The following CAMSAP2 variants were observed in gnomAD, a reference collection of about 807,000 sequenced individuals.
The protein encoded by CAMSAP2 is calmodulin regulated spectrin associated protein family member 2.
A neutral mutation model predicts 146.1 loss-of-function variants in CAMSAP2; 26 were observed. That is an observed-to-expected ratio of 0.18 (90% CI 0.13 to 0.25). CAMSAP2 has a LOEUF of 0.25. Ranked by LOEUF, CAMSAP2 falls within the 10% of genes least tolerant of loss-of-function variation. The pLI, the probability that CAMSAP2 is intolerant of heterozygous loss-of-function variation, is 1.00. For synonymous variants in CAMSAP2, 499 were observed against 596.6 expected (o/e 0.84, Z 2.38); for missense variants, 1,381 against 1,759.3 (o/e 0.78, Z 3.85).
chr1:200,836,771 A>G (rs1192110255), intron 6 of CAMSAP2, among the ~76,000 whole-genome samples: 2 of 152,090 alleles, frequency 1.3e-5, no homozygotes, highest in Non-Finnish European at 2.9e-5. Context: ...TTGACTTTTT[A>G]GTAAGAGCCA....
rs371270400 is a variant in CAMSAP2, at chr1:200,764,655, A to G, written c.399+3557A>G. ...CTGATAGTTAAATTGTTAAAGAGAA[A>G]TAAGTATCCTGCATTTAGCCTTTAA... On this transcript the variant is annotated intron_variant, in intron 2 of 16. Coordinates refer to ENST00000358823, the MANE Select transcript of CAMSAP2 (RefSeq NM_203459.4). Among the ~76,000 whole-genome samples the G allele has an allele frequency of 7.9e-5, 12 of 152,374 alleles. No homozygotes were observed. The South Asian group carries it at 2.5e-3, about 32-fold the overall frequency.
chr1:200,769,701 C>A (rs1421110500), intron 2 of CAMSAP2, among the ~76,000 whole-genome samples: 2 of 152,198 alleles, frequency 1.3e-5, no homozygotes, highest in Non-Finnish European at 2.9e-5. Context: ...AATGAAGACA[C>A]GTTTAGGGCA....
Position 200,848,333 on chromosome 1 carries a change from G to C in CAMSAP2, c.1564G>C (p.Gly522Arg). Residue 522 changes from glycine (G) to arginine (R), a missense_variant, in exon 11 of 17, where the codon GGA (glycine) becomes CGA (arginine). Physicochemically the swap from Gly to Arg is moderately radical, Grantham distance 125 (BLOSUM62 -2). This residue lies in a region of CAMSAP2 where 447 missense variants were observed against 462.2 expected (regional missense o/e 0.97). Transcript: ENST00000358823. Reference protein sequence around the residue: ...NENIHYKLPNGALQNRILLDE... With the variant: ...NENIHYKLPNRALQNRILLDE... ...GAATATTCATTACAAGCTTCCAAAT[G>C]GAGCTTTACAAAATAGAATACTTCT... The C allele has an allele frequency of 6.2e-7, 1 of 1,613,772 alleles. No individual in the cohort carries two copies. The highest frequency in any genetic ancestry group is 1.1e-5 in the South Asian group (1 of 91,050).
chr1:200,789,815 C>A (rs1571756952), intron 2 of CAMSAP2, among the ~76,000 whole-genome samples: 1 of 151,972 alleles, frequency 6.6e-6, no homozygotes, highest in Non-Finnish European at 1.5e-5. Flanking sequence ...TTATTTAGTT[C>A]TTTGATTTTG....
chr1:200,847,259 T>A lies in CAMSAP2; in HGVS notation c.1159T>A (p.Tyr387Asn). ...TQSHHHLPSR[Y>N]SRPQAHSSAS... The stretch of plus-strand genomic sequence containing the variant: ...GTCTCATCATCATTTGCCTTCTAGG[T>A]ATTCACGTCCCCAGGCTCATTCTTC... Residue 387 changes from tyrosine to asparagine, a missense_variant, in exon 9 of 17, where the codon TAT becomes AAT. Coordinates refer to ENST00000358823, the MANE Select transcript of CAMSAP2 (RefSeq NM_203459.4). 6.2e-7 allele frequency: 1 copy of A among 1,612,574 alleles called. No individual in the cohort carries two copies. Among genetic ancestry groups the A allele is most frequent in the Non-Finnish European group, 8.5e-7 (1 of 1,179,234 alleles).
At chr1:200,762,904 C>CT (rs888757564) in intron 2 of CAMSAP2, among the ~76,000 whole-genome samples, 20 of 147,686 alleles carry the variant, frequency 1.4e-4, no homozygotes, top group Admixed American at 2.0e-4. Flanking sequence ...GACTTAGAAT[C>CT]TTTTTTTTTT....
chr1:200,806,011 A>G (rs1666160774), intron 2 of CAMSAP2, among the ~76,000 whole-genome samples: 1 of 152,204 alleles, frequency 6.6e-6, no homozygotes, highest in African/African-American at 2.4e-5. Context: ...AAAAATAGAG[A>G]ATAATATTTC....
intron 1 of CAMSAP2, among the ~76,000 whole-genome samples, chr1:200,744,260 G>A (rs1664261299): frequency 1.3e-5 from 2 of 152,234 alleles, no homozygotes; most frequent in South Asian, 2.1e-4. Flanking sequence ...TAGAAAAAAT[G>A]TTGCAGAGAT....
chr1:200,766,728 A>G (rs1020444869), intron 2 of CAMSAP2, among the ~76,000 whole-genome samples: 1 of 152,014 alleles, frequency 6.6e-6, no homozygotes, highest in Non-Finnish European at 1.5e-5. Flanking sequence ...TTAACCACTA[A>G]ATTGTATTTT....
chr1:200,757,822 G>A (rs930820247), intron 1 of CAMSAP2, among the ~76,000 whole-genome samples: 1 of 152,136 alleles, frequency 6.6e-6, no homozygotes, highest in Admixed American at 6.5e-5. Context: ...ATTAGCTGTG[G>A]ATCCTTTCCC....
intron 2 of CAMSAP2, among the ~76,000 whole-genome samples, chr1:200,798,075 C>G (rs946339397): frequency 2.0e-5 from 3 of 149,078 alleles, no homozygotes; most frequent in Non-Finnish European, 4.5e-5. Flanking sequence ...GTTACTGTAG[C>G]CTTGTAGTAT....
rs547046179 is a variant in CAMSAP2, at chr1:200,816,777, T to C, written c.645+1133T>C. 4.2e-4 allele frequency among the ~76,000 whole-genome samples: 47 copies of C among 111,654 alleles called. 9 individuals carry two copies. The highest frequency in any genetic ancestry group is 4.9e-4 in the Non-Finnish European group (26 of 52,536). The allele number at this position is 111,654 out of a possible 152,430, so 73.2% of individuals were successfully genotyped here. On this transcript the variant is annotated intron_variant, in intron 4 of 16. Coordinates refer to ENST00000358823, the MANE Select transcript of CAMSAP2 (RefSeq NM_203459.4). ...ATATATGTGTGTACACACACACGCG[T>C]GTATATATGTGTGTACACACACACG...
intron 6 of CAMSAP2, among the ~76,000 whole-genome samples, chr1:200,841,683 T>C (rs536904294): frequency 6.6e-6 from 1 of 152,224 alleles, no homozygotes; most frequent in East Asian, 1.9e-4. Context: ...TTTAAGTTGC[T>C]TATATTTACT....
chr1:200,815,095 GCCCTAAACTC>G (rs1186324617), intron 3 of CAMSAP2, among the ~76,000 whole-genome samples: 2 of 151,942 alleles, frequency 1.3e-5, no homozygotes, highest in Non-Finnish European at 2.9e-5. Context: ...CATTATGACT[GCCCTAAACTC>G]CCCCATGATC....
intron 14 of CAMSAP2, 50 bp downstream of exon 14, chr1:200,854,939 C>A: frequency 2.4e-6 from 3 of 1,266,950 alleles, no homozygotes; most frequent in Non-Finnish European, 3.3e-6. Flanking sequence ...ATAGTACCTG[C>A]AATTATACAA....
rs764735613 is a variant in CAMSAP2, at chr1:200,849,675, C to A, written c.2906C>A (p.Ser969Tyr). ...SPQSSNRKSA[S>Y]FSVKSQRTPR... Reference sequence around the variant, plus strand: ...CAGTCTTCTAACAGGAAAAGTGCATCTTTTTCTGTTAAAAGTCAAAGGACT... The same window carrying A: ...CAGTCTTCTAACAGGAAAAGTGCATATTTTTCTGTTAAAAGTCAAAGGACT... Residue 969 changes from serine to tyrosine, a missense_variant, in exon 11 of 17, where the codon TCT (serine) becomes TAT (tyrosine). Around this residue, in one of 4 missense-constraint regions of CAMSAP2, gnomAD observed 560 missense variants for 715.9 expected, o/e 0.78. Coordinates refer to ENST00000358823, the MANE Select transcript of CAMSAP2 (RefSeq NM_203459.4). This position sits in a 1 kb window ranked among gnomAD's most constrained non-coding sequence, Gnocchi z 6.3. 1.5e-5 allele frequency: 25 copies of A among 1,614,158 alleles called. No homozygotes were observed. The highest frequency in any genetic ancestry group is 1.7e-5 in the Non-Finnish European group (20 of 1,180,012).
At chr1:200,817,191 T>C (rs61827526) in intron 4 of CAMSAP2, among the ~76,000 whole-genome samples, 66 of 133,560 alleles carry the variant, frequency 4.9e-4, no homozygotes, top group African/African-American at 8.1e-4. Flanking sequence ...CACACACACA[T>C]GTGTGTGTGT....
In CAMSAP2 at chr1:200,852,330, A is replaced by G. The variant is rs563223105; in HGVS notation, c.3466-211A>G. ...ATAGGTTTTGACAGAGTGTAATTAA[A>G]TAAGTTTGCCTGTCCTCTTTTTTGA... On this transcript the variant is annotated intron_variant, in intron 11 of 16. Transcript: ENST00000358823. Among the ~76,000 whole-genome samples the G allele has an allele frequency of 3.8e-4, 58 of 152,318 alleles. 1 individual carries two copies. The East Asian group carries it at 8.5e-3, about 22-fold the overall frequency.
intron 2 of CAMSAP2, among the ~76,000 whole-genome samples, chr1:200,790,379 G>C (rs752982133): frequency 2.0e-5 from 3 of 152,168 alleles, no homozygotes; most frequent in Non-Finnish European, 4.4e-5. Context: ...GACAGTTTCT[G>C]ATATTTATTG....
Sources: gnomAD v4.1 joint callset for allele counts (sites outside exome capture counted in the v4.1 genomes callset) on GRCh38, gnomAD v4.1.1 for gene constraint, gnomAD v4.1.1 regional missense constraint, Gnocchi (gnomAD v3.1) non-coding constraint, MANE v1.5 for transcripts, NCBI Gene and HGNC (gene_info 2026-07-23, HGNC 2026-07-21) for gene names.